The following C11orf58 variants were observed in gnomAD, a reference collection of about 807,000 sequenced individuals.
C11orf58 encodes the protein chromosome 11 open reading frame 58, also known as small acidic protein.
Under a neutral mutation model 22.7 loss-of-function variants are expected in C11orf58, and 5 were observed. The observed-to-expected ratio is 0.22, with a 90% CI of 0.12 to 0.46. The LOEUF (loss-of-function observed/expected upper bound fraction) is 0.46. C11orf58 is among the 20% of genes least tolerant of loss of function. C11orf58 has a pLI of 0.99. For missense variants in C11orf58, 151 were observed against 223.3 expected, an observed-to-expected ratio of 0.68 and a Z score of 2.06; for synonymous variants, 71 against 70.7, an observed-to-expected ratio of 1.00 and a Z score of -0.02.
intron 2 of C11orf58, 139 bp from the exon 3 acceptor site, chr11:16,747,958 C>T (rs1199772928): frequency 1.5e-6 from 1 of 661,038 alleles, no homozygotes; most frequent in Non-Finnish European, 2.7e-6. Flanking sequence ...ATGTAAGGTC[C>T]TTAAAGGCAG....
intron 3 of C11orf58, chr11:16,749,020 G>T (rs1848510884): frequency 1.3e-5 from 2 of 152,232 alleles, no homozygotes; most frequent in South Asian, 4.1e-4. Context: ...TTGGTTTTGT[G>T]TATTCACTAA....
In C11orf58 at chr11:16,755,149, A is replaced by G; in HGVS notation, c.*45A>G. On this transcript the variant is annotated 3_prime_UTR_variant, in exon 5 of 5. Transcript: ENST00000228136. ...TGTATTAAAAGTAAGCCTTATTGTTACAATGCACAGTGGAGGACTGCTTAT... is the reference window on the plus strand; with the variant it reads ...TGTATTAAAAGTAAGCCTTATTGTTGCAATGCACAGTGGAGGACTGCTTAT... 6.3e-7 allele frequency: 1 copy of G among 1,597,088 alleles called. No homozygotes were observed. The highest frequency in any genetic ancestry group is 1.1e-5 in the South Asian group (1 of 89,040).
At chr11:16,740,269 G>T (rs1165722340) in intron 1 of C11orf58, among the ~76,000 whole-genome samples, 1 of 152,216 alleles carries the variant, frequency 6.6e-6, no homozygotes, top group African/African-American at 2.4e-5. Flanking sequence ...AAAACTCCAG[G>T]TGATATGAAA....
intron 1 of C11orf58, among the ~76,000 whole-genome samples, chr11:16,743,585 T>TA (rs1305736735): frequency 1.3e-5 from 2 of 152,210 alleles, no homozygotes; most frequent in Non-Finnish European, 2.9e-5. Flanking sequence ...TTCTGTCAGT[T>TA]TTTTCTCTTT....
At chr11:16,746,025 G>T (rs964806613) in intron 2 of C11orf58, among the ~76,000 whole-genome samples, 1 of 152,206 alleles carries the variant, frequency 6.6e-6, no homozygotes, top group African/African-American at 2.4e-5. Context: ...AAGCTATTAT[G>T]TAATGGAGGA....
At chr11:16,738,972 A>C (rs920311782) in intron 1 of C11orf58, 131 bp downstream of exon 1, 2 of 959,668 alleles carry the variant, frequency 2.1e-6, no homozygotes, top group Non-Finnish European at 3.2e-6. Context: ...AACCAGAAGA[A>C]TGAGTGGGAA....
chr11:16,748,354 G>C, intron 3 of C11orf58, 197 bp downstream of exon 3: 1 of 453,216 alleles, frequency 2.2e-6, no homozygotes, highest in Non-Finnish European at 4.0e-6. Flanking sequence ...CTTAAGCCCA[G>C]GAGTTTGAGG....
intron 3 of C11orf58, 85 bp downstream of exon 3, chr11:16,748,242 G>T: frequency 8.6e-7 from 1 of 1,166,696 alleles, no homozygotes; most frequent in Non-Finnish European, 1.3e-6. Flanking sequence ...TTCTACTTTG[G>T]CATGTAATTG....
chr11:16,745,961 A>G (rs1590073540), intron 2 of C11orf58, among the ~76,000 whole-genome samples: 1 of 152,196 alleles, frequency 6.6e-6, no homozygotes, highest in East Asian at 1.9e-4. Flanking sequence ...ATTACAGACT[A>G]CCTACTACTG....
intron 1 of C11orf58, 81 bp from the exon 2 acceptor site, chr11:16,744,520 T>A: frequency 8.8e-7 from 1 of 1,134,268 alleles, no homozygotes. Context: ...GGAAAAAAAC[T>A]TGAGAGTTAC....
At chr11:16,742,527 C>T (rs1227398357) in intron 1 of C11orf58, among the ~76,000 whole-genome samples, 1 of 151,856 alleles carries the variant, frequency 6.6e-6, no homozygotes, top group African/African-American at 2.4e-5. Context: ...TGAGGGGGGT[C>T]ACATGGAAAA....
In C11orf58 at chr11:16,738,880, A is replaced by G. The variant is rs371668577; in HGVS notation, c.63+39A>G. On this transcript the variant is annotated intron_variant, in intron 1 of 4. Transcript: ENST00000228136. Reference sequence around the variant, plus strand: ...GCGGAGTGGCTGAGGGTTGAGGCCTACTAAAGCCTGGAGTAGGCCGGGAAG... The same window carrying G: ...GCGGAGTGGCTGAGGGTTGAGGCCTGCTAAAGCCTGGAGTAGGCCGGGAAG... The G allele has an allele frequency of 1.2e-4, 199 of 1,611,700 alleles. 1 individual carries two copies. The highest frequency in any genetic ancestry group is 1.6e-4 in the Non-Finnish European group (190 of 1,178,280).
chr11:16,741,678 G>A (rs538954540), intron 1 of C11orf58, among the ~76,000 whole-genome samples: 5 of 152,320 alleles, frequency 3.3e-5, no homozygotes, highest in African/African-American at 1.2e-4. Context: ...TACCACCTGA[G>A]CTCTGCCTCC....
rs1434303887 is a variant in C11orf58 at position 16,754,851 on chromosome 11, C to A, written c.319-20C>A. The A allele has an allele frequency of 6.2e-7, 1 of 1,609,242 alleles. No individual in the cohort carries two copies. The highest frequency in any genetic ancestry group is 2.2e-5 in the East Asian group (1 of 44,830). On this transcript the variant is annotated intron_variant, in intron 4 of 4. Transcript: ENST00000228136. ...GGGCTAATGTTTATTTTTAAAAGAG[C>A]CTGTTGATTGATGTTTTAGGTAGAA...
chr11:16,757,150 GAA>G lies in C11orf58; in HGVS notation c.*2050_*2051del, dbSNP rs1370630859. ...ATGACATTTAACAAATACTTGGTTT[GAA>G]AAAGTTTGGCTTTATTCAACAATTT... On this transcript the variant is annotated 3_prime_UTR_variant, in exon 5 of 5. Transcript: ENST00000228136. 6.6e-6 allele frequency among the ~76,000 whole-genome samples: 1 copy of G among 151,908 alleles called. No homozygotes were observed.
At chr11:16,742,695 C>G (rs536759524) in intron 1 of C11orf58, among the ~76,000 whole-genome samples, 4 of 151,984 alleles carry the variant, frequency 2.6e-5, no homozygotes, top group Non-Finnish European at 4.4e-5. Flanking sequence ...TTCTTTTAGT[C>G]TTTTACAAAT....
At chr11:16,743,525 A>C (rs1848464170) in intron 1 of C11orf58, among the ~76,000 whole-genome samples, 1 of 152,186 alleles carries the variant, frequency 6.6e-6, no homozygotes, top group Non-Finnish European at 1.5e-5. Context: ...CTAGAATACG[A>C]CTGCCTTTCA....
At chr11:16,741,856 C>T (rs117044453) in intron 1 of C11orf58, among the ~76,000 whole-genome samples, 1 of 152,264 alleles carries the variant, frequency 6.6e-6, no homozygotes, top group East Asian at 1.9e-4. Flanking sequence ...CTCAAAGCTT[C>T]CATTGAGTCT....
intron 1 of C11orf58, 106 bp from the exon 2 acceptor site, chr11:16,744,495 G>A: frequency 1.2e-6 from 1 of 834,574 alleles, no homozygotes; most frequent in Non-Finnish European, 2.0e-6. Context: ...GCTGTTTATA[G>A]TTACAACTGA....
Sources: gnomAD v4.1 joint callset for allele counts (sites outside exome capture counted in the v4.1 genomes callset) on GRCh38, gnomAD v4.1.1 for gene constraint, MANE v1.5 for transcripts, NCBI Gene and HGNC (gene_info 2026-07-23, HGNC 2026-07-21) for gene names.